Variants in TET1 observed in about 807,000 individuals in gnomAD.
The protein encoded by TET1 is methylcytosine dioxygenase TET1.
TET1 carries 13 observed loss-of-function variants against 148.7 expected under a neutral mutation model. The observed-to-expected ratio is 0.09, with a 90% CI of 0.06 to 0.14. The LOEUF (loss-of-function observed/expected upper bound fraction) is 0.14, where lower values mean the gene tolerates loss of function less well. Ranked by LOEUF, TET1 falls within the 10% of genes least tolerant of loss-of-function variation. TET1 has a pLI of 1.00. For missense variants in TET1, 2,182 were observed against 2,553.8 expected (o/e 0.85, Z 3.14); for synonymous variants, 907 against 937.2 (o/e 0.97, Z 0.59).
intron 3 of TET1, among the ~76,000 whole-genome samples, chr10:68,626,600 G>C (rs1162482049): frequency 6.6e-6 from 1 of 151,778 alleles, no homozygotes; most frequent in Non-Finnish European, 1.5e-5. Flanking sequence ...CACCAGGCTG[G>C]GGTGCAGTGG....
rs1271140204 is a variant in TET1, at chr10:68,572,307, T to C, written c.-32T>C. 4 of 1,542,574 alleles carry C rather than the reference T, an allele frequency of 2.6e-6. No homozygotes were observed. In the African/African-American group the frequency reaches 4.2e-5, roughly 16 times the overall value. ...CCAAAGGACCAATGACTCTGTTTCC[T>C]GCGCCCTTTCATTTTTTCCTACTCT... On this transcript the variant is annotated 5_prime_UTR_variant, in exon 2 of 12. Transcript: ENST00000373644.
chr10:68,628,577 G>C (rs2054523052), intron 3 of TET1, among the ~76,000 whole-genome samples: 1 of 152,196 alleles, frequency 6.6e-6, no homozygotes, highest in South Asian at 2.1e-4. Context: ...ATTTGATAGA[G>C]AGCTGTGTAG....
chr10:68,569,770 G>A (rs745570268), intron 1 of TET1, among the ~76,000 whole-genome samples: 18 of 151,904 alleles, frequency 1.2e-4, no homozygotes, highest in Middle Eastern at 6.8e-3. Flanking sequence ...AGGGAGACCT[G>A]TTTCAAAAAA....
At chr10:68,653,807 C>T (rs2054975173) in intron 6 of TET1, among the ~76,000 whole-genome samples, 1 of 152,088 alleles carries the variant, frequency 6.6e-6, no homozygotes, top group Non-Finnish European at 1.5e-5. Flanking sequence ...AGGGTTTTCC[C>T]ATTAAGTGTG....
rs774457411 is a variant in TET1 at position 68,646,784 on chromosome 10, C to G, written c.4055C>G (p.Thr1352Ser). 2.5e-6 allele frequency: 4 copies of G among 1,614,100 alleles called. No individual in the cohort carries two copies. The highest frequency in any genetic ancestry group is 3.4e-6 in the Non-Finnish European group (4 of 1,180,034). Residue 1352 changes from threonine to serine, a missense_variant, in exon 4 of 12, where the codon ACT (threonine) becomes AGT (serine). Physicochemically the swap from Thr to Ser is moderately conservative, Grantham distance 58 (BLOSUM62 1). Around this residue, in one of 11 missense-constraint regions of TET1, gnomAD observed 169 missense variants for 263.7 expected, o/e 0.64. Transcript: ENST00000373644. Reference protein sequence around the residue: ...HETPLPESALTLRNVNVVCSG... With the variant: ...HETPLPESALSLRNVNVVCSG... ...ACACCCTTACCGGAGTCAGCACTAA[C>G]TCTCAGGAATGTAAATGTAGTGTGT... is the stretch of plus-strand genomic sequence containing the variant.
chr10:68,584,203 C>T (rs2053834012), intron 2 of TET1, among the ~76,000 whole-genome samples: 1 of 145,418 alleles, frequency 6.9e-6, no homozygotes, highest in African/African-American at 2.4e-5. Flanking sequence ...CCACACCCAG[C>T]TAATTTTTTT....
rs949797849 is a variant in TET1, at chr10:68,619,046, T to C, written c.1968+18012T>C. ...GTAGTTTTAAATTTTCGAAAGGAAT[T>C]AAAGGTACAAAGGAAAAGTAAACAT... is the stretch of plus-strand genomic sequence containing the variant. On this transcript the variant is annotated intron_variant, in intron 3 of 11. Transcript: ENST00000373644. Among the ~76,000 whole-genome samples the C allele has an allele frequency of 1.3e-5, 2 of 152,170 alleles. 1 individual carries two copies. The highest frequency in any genetic ancestry group is 1.3e-4 in the Admixed American group (2 of 15,266).
At chr10:68,652,479 CT>C in intron 5 of TET1, 21 bp from the exon 6 acceptor site, 1 of 1,554,886 alleles carries the variant, frequency 6.4e-7, no homozygotes, top group South Asian at 1.2e-5. Flanking sequence ...AGTACATTCC[CT>C]TCACTGTGTT....
intron 2 of TET1, among the ~76,000 whole-genome samples, chr10:68,597,046 T>C (rs1214132328): frequency 6.8e-6 from 1 of 146,374 alleles, no homozygotes; most frequent in Non-Finnish European, 1.5e-5. Context: ...TTTTTTTTTT[T>C]TTTTTGAGAC....
intron 3 of TET1, among the ~76,000 whole-genome samples, chr10:68,626,278 T>G (rs1262114541): frequency 6.6e-6 from 1 of 151,960 alleles, no homozygotes; most frequent in Non-Finnish European, 1.5e-5. Flanking sequence ...TTGTTTTGTT[T>G]TGTTTGGACA....
chr10:68,624,890 C>G (rs1047047612), intron 3 of TET1, among the ~76,000 whole-genome samples: 1 of 151,260 alleles, frequency 6.6e-6, no homozygotes, highest in African/African-American at 2.4e-5. Context: ...CGCCATCACG[C>G]CCAGCTAATT....
At chr10:68,599,742 C>T (rs1182049804) in intron 2 of TET1, among the ~76,000 whole-genome samples, 1 of 152,210 alleles carries the variant, frequency 6.6e-6, no homozygotes, top group African/African-American at 2.4e-5. Flanking sequence ...GACAGTTGAT[C>T]TTGGGAGACA....
At chr10:68,637,960 C>A (rs2054680012) in intron 3 of TET1, among the ~76,000 whole-genome samples, 1 of 151,952 alleles carries the variant, frequency 6.6e-6, no homozygotes, top group African/African-American at 2.4e-5. Context: ...TTGTAGTTTT[C>A]GTAGAGCCAG....
chr10:68,573,806 C>T lies in TET1; in HGVS notation c.1468C>T (p.Pro490Ser). ...SSNSEKNSLP[P>S]VMAISNVENE... ...AAACTCAGAGAAAAATTCATTACCT[C>T]CAGTAATGGCTATAAGCAATGTAGA... Residue 490 changes from proline to serine, a missense_variant, in exon 2 of 12, where the codon CCA (proline) becomes TCA (serine). By Grantham distance (74) the Pro-to-Ser change is moderately conservative. Transcript: ENST00000373644. The T allele has an allele frequency of 1.2e-6, 2 of 1,614,046 alleles. No homozygotes were observed.
chr10:68,585,371 T>TGATC (rs2053849719), intron 2 of TET1, among the ~76,000 whole-genome samples: 1 of 151,986 alleles, frequency 6.6e-6, no homozygotes, highest in Non-Finnish European at 1.5e-5. Flanking sequence ...TGACGTCAGG[T>TGATC]GATCAGCCTG....
intron 1 of TET1, among the ~76,000 whole-genome samples, chr10:68,561,991 G>A (rs1461961857): frequency 1.3e-5 from 2 of 151,936 alleles, no homozygotes; most frequent in African/African-American, 4.8e-5. Context: ...CCTCCGTCCC[G>A]GTTCCACTCC....
At chr10:68,596,003 C>T (rs1327868409) in intron 2 of TET1, among the ~76,000 whole-genome samples, 6 of 96,704 alleles carry the variant, frequency 6.2e-5, no homozygotes, top group South Asian at 3.8e-4. Flanking sequence ...CACACACACA[C>T]ACACACACAC....
At chr10:68,622,201 CCTTCCTT>C (rs2054383590) in intron 3 of TET1, among the ~76,000 whole-genome samples, 1 of 131,284 alleles carries the variant, frequency 7.6e-6, no homozygotes, top group Non-Finnish European at 1.6e-5. Context: ...TTCCTTCCTT[CCTTCCTT>C]CCTTCCTTCC....
intron 8 of TET1, among the ~76,000 whole-genome samples, chr10:68,676,236 G>GTATATA (rs750680550): frequency 1.0e-3 from 57 of 55,484 alleles, no homozygotes; most frequent in African/African-American, 1.4e-3. Flanking sequence ...GTATGTATGT[G>GTATATA]TATATATATA....
Sources: allele counts gnomAD v4.1 joint callset (sites outside exome capture counted in the v4.1 genomes callset), GRCh38; gene constraint gnomAD v4.1.1; regional missense constraint gnomAD v4.1.1; transcripts MANE v1.5; gene names NCBI Gene and HGNC (gene_info 2026-07-23, HGNC 2026-07-21).